RP1L1: variants seen among roughly 807,000 people sequenced by gnomAD.
The protein encoded by RP1L1 is RP1 like 1.
RP1L1 carries 27 observed loss-of-function variants against 15.7 expected under a neutral mutation model. That is an observed-to-expected ratio of 1.72 (90% confidence interval 1.27 to 2.38). The LOEUF (loss-of-function observed/expected upper bound fraction) is 2.38. Ranked by LOEUF, RP1L1 falls within the 30% of genes most tolerant of loss-of-function variation. The pLI, the probability that RP1L1 is intolerant of heterozygous loss-of-function variation, is 0.00. For synonymous variants in RP1L1, 1,813 were observed against 1,276.7 expected, an observed-to-expected ratio of 1.42 and a Z score of -8.96; for missense variants, 4,798 against 3,075.9, an observed-to-expected ratio of 1.56 and a Z score of -13.24.
chr8:10,616,964 C>A (rs1462435479), intron 2 of RP1L1, among the ~76,000 whole-genome samples: 2 of 152,188 alleles, frequency 1.3e-5, no homozygotes, highest in African/African-American at 4.8e-5. Context: ...CCAGCTCCCA[C>A]AGCGGGGCCC....
At chr8:10,637,780 G>A (rs541602958) in intron 1 of RP1L1, among the ~76,000 whole-genome samples, 2 of 152,348 alleles carry the variant, frequency 1.3e-5, no homozygotes, top group African/African-American at 2.4e-5. Context: ...GACAGGAGGG[G>A]AAAGAGACGG....
At chr8:10,614,661 CA>C (rs772003815) in intron 3 of RP1L1, among the ~76,000 whole-genome samples, 1,617 of 75,554 alleles carry the variant, frequency 0.021, 17 homozygotes, top group African/African-American at 0.081. Context: ...ATTCTGTCGT[CA>C]AAAAAAAAAA....
chr8:10,649,568 G>T (rs982692993), intron 1 of RP1L1, among the ~76,000 whole-genome samples: 1 of 152,130 alleles, frequency 6.6e-6, no homozygotes, highest in African/African-American at 2.4e-5. Flanking sequence ...TCTTGGGAAG[G>T]CTCACAAATA....
Position 10,611,271 on chromosome 8 carries a change from C to G in RP1L1, c.2827G>C (p.Val943Leu). 1.2e-6 allele frequency: 2 copies of G among 1,613,020 alleles called. No homozygotes were observed. Among genetic ancestry groups the G allele is most frequent in the South Asian group, 1.1e-5 (1 of 91,092 alleles). The change falls in exon 4 of 4, where the codon GTG (valine) becomes CTG (leucine). Residue 943 changes from valine (V) to leucine (L), a missense_variant. Val to Leu is a conservative substitution (Grantham distance 32, BLOSUM62 1). Coordinates refer to ENST00000382483, the MANE Select transcript of RP1L1 (RefSeq NM_178857.6). ...GAGCGGGGCAGAGAGCTGGGTGACA[C>G]ACCACTGGCCTCCTCCTGCCCCTGG... ...GPQGQEEASG[V>L]SPSSLPRSSP...
At chr8:10,651,949 C>T (rs1449791026) in intron 1 of RP1L1, among the ~76,000 whole-genome samples, 1 of 152,080 alleles carries the variant, frequency 6.6e-6, no homozygotes, top group African/African-American at 2.4e-5. Context: ...ATCTTTTATA[C>T]TGTATCTGTA....
chr8:10,610,075 AGT>A lies in RP1L1; in HGVS notation c.4021_4022del (p.Thr1341Ter). 6.8e-7 allele frequency: 1 copy of A among 1,480,684 alleles called. No individual in the cohort carries two copies. Among genetic ancestry groups the A allele is most frequent in the Non-Finnish European group, 9.1e-7 (1 of 1,098,216 alleles). The allele number at this position is 1,480,684 out of a possible 1,614,324, so 91.7% of individuals were successfully genotyped here. On this transcript the variant is annotated frameshift_variant, in exon 4 of 4. Transcript: ENST00000382483. LOFTEE classifies it low-confidence loss of function (END_TRUNC). ...GCTGTCCTTCTCCTTCTGTTTCTTT[AGT>A]TTCCTCTAACTGCACCCCCTCTTCT... ...LQEEGVQLEE[T>X]KETEGEGQQE...
In RP1L1 at chr8:10,611,779, C is replaced by T. The variant is rs376509567; in HGVS notation, c.2319G>A (p.Pro773=). The T allele has an allele frequency of 1.5e-3, 2,351 of 1,613,614 alleles. 2 individuals carry two copies. The highest frequency in any genetic ancestry group is 1.5e-3 in the Non-Finnish European group (1,827 of 1,180,000). The stretch of plus-strand genomic sequence containing the variant: ...CGGATGTGTGGGGAGGTATGGGGGC[C>T]GGCGAGCATGTCCTGGACCCCGCGT... ...AGDAGSRTCS[P]APIPPHTSDS... Residue 773 remains proline (P), a synonymous_variant, in exon 4 of 4, where the codon CCG becomes CCA. Coordinates refer to ENST00000382483, the MANE Select transcript of RP1L1 (RefSeq NM_178857.6).
chr8:10,613,330 C>G lies in RP1L1; in HGVS notation c.768G>C (p.Lys256Asn), dbSNP rs752520722. 1 of 1,600,334 alleles carries G rather than the reference C, an allele frequency of 6.2e-7. No individual in the cohort carries two copies. Among genetic ancestry groups the G allele is most frequent in the Admixed American group, 1.7e-5 (1 of 60,022 alleles). The change falls in exon 4 of 4, where the codon AAG (lysine) becomes AAC (asparagine). Residue 256 changes from lysine (K) to asparagine (N), a missense_variant. By Grantham distance (94) the Lys-to-Asn change is moderately conservative. Coordinates refer to ENST00000382483, the MANE Select transcript of RP1L1 (RefSeq NM_178857.6). ...SRNKNGSWGP[K>N]TKPSVIHSRS... ...GCGAATGGATCACACTCGGCTTGGT[C>G]TTTGGCCCCCAGCTCCCTGGCACGC... is the stretch of plus-strand genomic sequence containing the variant.
At chr8:10,616,078 T>C (rs967505462) in intron 3 of RP1L1, among the ~76,000 whole-genome samples, 15 of 151,922 alleles carry the variant, frequency 9.9e-5, no homozygotes, top group African/African-American at 3.4e-4. Context: ...CATATTTTTT[T>C]GTATTTTTTT....
Position 10,611,693 on chromosome 8 carries a change from G to C in RP1L1, c.2405C>G (p.Pro802Arg). 1 of 1,613,476 alleles carries C rather than the reference G, an allele frequency of 6.2e-7. No homozygotes were observed. Among genetic ancestry groups the C allele is most frequent in the Non-Finnish European group, 8.5e-7 (1 of 1,179,994 alleles). The change falls in exon 4 of 4, where the codon CCC becomes CGC. Residue 802 changes from proline to arginine, a missense_variant. By Grantham distance (103) the Pro-to-Arg change is moderately radical. Coordinates refer to ENST00000382483, the MANE Select transcript of RP1L1 (RefSeq NM_178857.6). The part of the protein sequence containing the change: ...LGEEARDTPQ[P>R]SSPLVLQVGR... Reference sequence around the variant, plus strand: ...AACCTGCAGAACCAAGGGTGAGGAGGGCTGAGGCGTGTCCCTGGCCTCTTC... The same window carrying C: ...AACCTGCAGAACCAAGGGTGAGGAGCGCTGAGGCGTGTCCCTGGCCTCTTC...
chr8:10,612,218 G>C lies in RP1L1; in HGVS notation c.1880C>G (p.Thr627Ser). 6.2e-7 allele frequency: 1 copy of C among 1,613,316 alleles called. No individual in the cohort carries two copies. The highest frequency in any genetic ancestry group is 2.2e-5 in the East Asian group (1 of 44,880). Residue 627 changes from threonine to serine, a missense_variant, in exon 4 of 4, where the codon ACC (threonine) becomes AGC (serine). Coordinates refer to ENST00000382483, the MANE Select transcript of RP1L1 (RefSeq NM_178857.6). ...CTGGGATGAAGTGCAGGTGGAAGGG[G>C]TGGAAGAGGCTCCTTCCGAGTCCCA... ...CSWDSEGASS[T>S]PSTCTSSQQG... is the part of the protein sequence containing the mutation.
At position 10,611,359 on chromosome 8, in the gene RP1L1, G is replaced by A. The variant is rs1797849814; in HGVS notation, c.2739C>T (p.Ala913=). The change falls in exon 4 of 4, where the codon GCC becomes GCT. Residue 913 remains alanine, a synonymous_variant. Coordinates refer to ENST00000382483, the MANE Select transcript of RP1L1 (RefSeq NM_178857.6). ...PNSGASRRSS[A]SQGAGSRGLS... The stretch of plus-strand genomic sequence containing the variant: ...GCCCCCGAGACCCCGCACCCTGGCT[G>A]GCACTGCTTCTCCTTGATGCCCCTG... 1 of 1,610,950 alleles carries A rather than the reference G, an allele frequency of 6.2e-7. No individual in the cohort carries two copies. Among genetic ancestry groups the A allele is most frequent in the Admixed American group, 1.7e-5 (1 of 59,904 alleles).
chr8:10,613,066 G>T lies in RP1L1; in HGVS notation c.1032C>A (p.Gly344=). The T allele has an allele frequency of 6.2e-7, 1 of 1,613,680 alleles. No homozygotes were observed. The highest frequency in any genetic ancestry group is 8.5e-7 in the Non-Finnish European group (1 of 1,180,030). ...EDTLLWSRRM[G]RASALTAASG... is the part of the protein sequence containing the mutation. ...TGGCTGCCGTGAGGGCGCTGGCCCT[G>T]CCCATCCTCCGGGACCATAGGAGCG... The change falls in exon 4 of 4, where the codon GGC becomes GGA. Residue 344 remains glycine (G), a synonymous_variant. Transcript: ENST00000382483.
At chr8:10,644,849 C>A (rs1352464599) in intron 1 of RP1L1, among the ~76,000 whole-genome samples, 3 of 152,324 alleles carry the variant, frequency 2.0e-5, no homozygotes, top group Admixed American at 2.0e-4. Flanking sequence ...GGGATGAGAA[C>A]CACATTTTAC....
chr8:10,648,326 C>T (rs752740079), intron 1 of RP1L1, among the ~76,000 whole-genome samples: 2 of 152,166 alleles, frequency 1.3e-5, no homozygotes, highest in African/African-American at 4.8e-5. Flanking sequence ...GCCACCGCAC[C>T]TGGCCAATTT....
At chr8:10,630,766 A>G (rs764456320) in intron 1 of RP1L1, among the ~76,000 whole-genome samples, 1 of 152,242 alleles carries the variant, frequency 6.6e-6, no homozygotes, top group East Asian at 1.9e-4. Flanking sequence ...AAAGCTCTCC[A>G]GGTGATTCTC....
chr8:10,639,016 A>C (rs1276901315), intron 1 of RP1L1, among the ~76,000 whole-genome samples: 3 of 152,034 alleles, frequency 2.0e-5, no homozygotes, highest in Admixed American at 1.3e-4. Flanking sequence ...GTGGTGGTGC[A>C]TGCCTGTAAT....
chr8:10,624,633 T>A (rs1440575884), intron 1 of RP1L1, among the ~76,000 whole-genome samples: 1 of 151,060 alleles, frequency 6.6e-6, no homozygotes. Context: ...GGTTGGAGGC[T>A]TTTTGCAAGC....
chr8:10,623,230 G>A lies in RP1L1; in HGVS notation c.-19-10C>T, dbSNP rs758066632. On this transcript the variant is annotated splice_polypyrimidine_tract_variant and intron_variant, in intron 1 of 3. Transcript: ENST00000382483. The stretch of plus-strand genomic sequence containing the variant: ...GTGGGGGCTCTGGCCGCTGTAACAG[G>A]GCAGAGGAAGAGGGGTCAGAGAGCA... 63 of 1,521,040 alleles carry A rather than the reference G, an allele frequency of 4.1e-5. No homozygotes were observed. The highest frequency in any genetic ancestry group is 5.4e-5 in the Non-Finnish European group (62 of 1,138,504). 94.2% of individuals were successfully genotyped at this position (1,521,040 alleles called of 1,614,324 possible).
Sources: gnomAD v4.1 joint callset for allele counts (sites outside exome capture counted in the v4.1 genomes callset) on GRCh38, gnomAD v4.1.1 for gene constraint, MANE v1.5 for transcripts, NCBI Gene and HGNC (gene_info 2026-07-23, HGNC 2026-07-21) for gene names.